PRTFDC1: variants seen among roughly 807,000 people sequenced by gnomAD.
The protein encoded by PRTFDC1 is phosphoribosyltransferase domain-containing protein 1.
PRTFDC1 carries 38 observed loss-of-function variants against 34.6 expected under a neutral mutation model. The observed-to-expected ratio is 1.10, with a 90% CI of 0.85 to 1.44. The LOEUF (loss-of-function observed/expected upper bound fraction) is 1.44. Ranked by LOEUF, PRTFDC1 falls within the 40% of genes most tolerant of loss-of-function variation. The probability of loss-of-function intolerance (pLI) is 0.00; values close to 1 mark genes in which losing one functional copy is unlikely to be tolerated. For missense variants in PRTFDC1, 270 were observed against 283.0 expected, an observed-to-expected ratio of 0.95 and a Z score of 0.33; for synonymous variants, 93 against 98.1, an observed-to-expected ratio of 0.95 and a Z score of 0.31.
chr10:24,880,227 T>A (rs1295387933), intron 3 of PRTFDC1, among the ~76,000 whole-genome samples: 1 of 152,074 alleles, frequency 6.6e-6, no homozygotes, highest in African/African-American at 2.4e-5. Flanking sequence ...TCTTGACATC[T>A]GTCTTTAGTA....
chr10:24,873,374 C>G (rs983680603), intron 3 of PRTFDC1, among the ~76,000 whole-genome samples: 1 of 152,214 alleles, frequency 6.6e-6, no homozygotes, highest in Non-Finnish European at 1.5e-5. Context: ...AAAGCCGATA[C>G]ATTCCGGCAG....
intron 7 of PRTFDC1, among the ~76,000 whole-genome samples, chr10:24,853,263 C>A (rs1387379922): frequency 6.6e-6 from 1 of 151,532 alleles, no homozygotes; most frequent in Non-Finnish European, 1.5e-5. Context: ...GAAGATCATT[C>A]GAGGCCAGGA....
At chr10:24,900,715 T>C (rs1387625756) in intron 3 of PRTFDC1, among the ~76,000 whole-genome samples, 1 of 152,346 alleles carries the variant, frequency 6.6e-6, no homozygotes, top group South Asian at 2.1e-4. Flanking sequence ...CTATATAATA[T>C]TGTTTGCAAG....
At chr10:24,855,611 A>G (rs959639782) in intron 6 of PRTFDC1, among the ~76,000 whole-genome samples, 1 of 152,074 alleles carries the variant, frequency 6.6e-6, no homozygotes, top group Non-Finnish European at 1.5e-5. Flanking sequence ...TGGGCAACAT[A>G]GCGAGACCCC....
chr10:24,939,113 C>A (rs919683658), intron 2 of PRTFDC1, among the ~76,000 whole-genome samples: 19 of 151,930 alleles, frequency 1.3e-4, no homozygotes, highest in Admixed American at 1.2e-3. Context: ...TCAGCCTGGC[C>A]AACACGGTGA....
chr10:24,892,177 G>A (rs1051353248), intron 3 of PRTFDC1, among the ~76,000 whole-genome samples: 5 of 152,090 alleles, frequency 3.3e-5, no homozygotes, highest in Non-Finnish European at 7.4e-5. Flanking sequence ...TTAAGAAACA[G>A]GATCTCATTA....
chr10:24,860,334 T>A (rs1847657597), intron 4 of PRTFDC1, among the ~76,000 whole-genome samples: 1 of 152,024 alleles, frequency 6.6e-6, no homozygotes, highest in African/African-American at 2.4e-5. Context: ...TGAACCAAGA[T>A]TGCACCACTG....
chr10:24,901,490 C>G (rs1320748965), intron 3 of PRTFDC1, among the ~76,000 whole-genome samples: 1 of 151,958 alleles, frequency 6.6e-6, no homozygotes, highest in African/African-American at 2.4e-5. Flanking sequence ...TTTGGGAGGC[C>G]AAAGCGAGAG....
At chr10:24,895,403 C>A (rs1848336557) in intron 3 of PRTFDC1, among the ~76,000 whole-genome samples, 1 of 151,398 alleles carries the variant, frequency 6.6e-6, no homozygotes, top group Non-Finnish European at 1.5e-5. Context: ...AGGCATGCAC[C>A]ACCACACCTG....
At chr10:24,884,367 C>T (rs1029404702) in intron 3 of PRTFDC1, among the ~76,000 whole-genome samples, 1 of 152,136 alleles carries the variant, frequency 6.6e-6, no homozygotes, top group Non-Finnish European at 1.5e-5. Context: ...TACTCACCCA[C>T]CTTCCAGCAT....
chr10:24,894,273 G>A (rs1339355623), intron 3 of PRTFDC1, among the ~76,000 whole-genome samples: 2 of 149,788 alleles, frequency 1.3e-5, no homozygotes, highest in Admixed American at 6.7e-5. Context: ...AGAGGTTGCA[G>A]TGAGCCAAGA....
At chr10:24,895,685 GTGGATATATATATATATATATATATATA>G (rs1001352221) in intron 3 of PRTFDC1, among the ~76,000 whole-genome samples, 1 of 68,042 alleles carries the variant, frequency 1.5e-5, no homozygotes, top group Admixed American at 1.7e-4. Flanking sequence ...AAGAGCTGGG[GTGGATATATATATATATATATATATATA>G]TATATATATA....
intron 4 of PRTFDC1, among the ~76,000 whole-genome samples, chr10:24,866,376 A>G (rs11812451): frequency 0.024 from 3,619 of 149,908 alleles, 160 homozygotes; most frequent in African/African-American, 0.083. Flanking sequence ...AAAAAAAAAA[A>G]AAAAGAAAAA....
intron 3 of PRTFDC1, among the ~76,000 whole-genome samples, chr10:24,891,241 T>C (rs1269347424): frequency 1.3e-5 from 2 of 152,188 alleles, no homozygotes; most frequent in African/African-American, 2.4e-5. Context: ...AAATTCATGA[T>C]ATATCATGAA....
chr10:24,850,001 TA>T, intron 8 of PRTFDC1, 110 bp from the exon 9 acceptor site: 1 of 983,604 alleles, frequency 1.0e-6, no homozygotes, highest in Admixed American at 1.8e-5. Flanking sequence ...ATTGATCATT[TA>T]AATAGAAATG....
intron 3 of PRTFDC1, among the ~76,000 whole-genome samples, chr10:24,880,679 A>T (rs1176659246): frequency 6.6e-6 from 1 of 152,148 alleles, no homozygotes; most frequent in Non-Finnish European, 1.5e-5. Flanking sequence ...ATTGGCTATC[A>T]CCTTGGAAAT....
At chr10:24,852,420 T>C (rs112874002) in intron 7 of PRTFDC1, among the ~76,000 whole-genome samples, 4,909 of 152,262 alleles carry the variant, frequency 0.032, 248 homozygotes, top group African/African-American at 0.11. Context: ...CCCAAAGTGC[T>C]GGGATTACAG....
At chr10:24,891,764 A>C (rs955392725) in intron 3 of PRTFDC1, among the ~76,000 whole-genome samples, 6 of 152,182 alleles carry the variant, frequency 3.9e-5, no homozygotes, top group Non-Finnish European at 7.3e-5. Context: ...TTGTCTCATT[A>C]ACAACAACAA....
At position 24,894,837 on chromosome 10, in the gene PRTFDC1, A is replaced by G. The variant is rs866666420; in HGVS notation, c.340-22774T>C. ...TGTGGATTGTGTATGCCTTGGGCAAATGAACCCTTTTGAGCCCCAAATGCA... is the reference window on the plus strand; with the variant it reads ...TGTGGATTGTGTATGCCTTGGGCAAGTGAACCCTTTTGAGCCCCAAATGCA... On this transcript the variant is annotated intron_variant, in intron 3 of 8. Transcript: ENST00000320152. Among the ~76,000 whole-genome samples, 7 of 152,158 alleles carry G rather than the reference A, an allele frequency of 4.6e-5. 1 individual carries two copies. The South Asian group carries it at 6.2e-4, about 14-fold the overall frequency.
Sources: gnomAD v4.1 joint callset for allele counts (sites outside exome capture counted in the v4.1 genomes callset) on GRCh38, gnomAD v4.1.1 for gene constraint, MANE v1.5 for transcripts, NCBI Gene and HGNC (gene_info 2026-07-23, HGNC 2026-07-21) for gene names.